Variants in PCBP3 observed in about 807,000 individuals in gnomAD.
The protein encoded by PCBP3 is poly(rC) binding protein 3, also known as poly(rC)-binding protein 3.
A neutral mutation model predicts 52.7 loss-of-function variants in PCBP3; 25 were observed. The ratio of observed to expected loss-of-function variants is 0.47; its 90% CI spans 0.35 to 0.66. PCBP3 has a LOEUF of 0.66. PCBP3 is among the 30% of genes least tolerant of loss of function. The probability of loss-of-function intolerance (pLI) is 0.01; values close to 1 mark genes in which losing one functional copy is unlikely to be tolerated. For missense variants in PCBP3, 391 were observed against 490.3 expected (o/e 0.80, Z 1.91); for synonymous variants, 162 against 183.0 (o/e 0.89, Z 0.93).
intron 9 of PCBP3, among the ~76,000 whole-genome samples, chr21:45,906,102 G>A (rs568933420): frequency 1.3e-5 from 2 of 152,288 alleles, no homozygotes; most frequent in South Asian, 4.1e-4. Flanking sequence ...GACCCCCAGG[G>A]CGTGACTGTC....
rs148754290 is a variant in PCBP3, at chr21:45,706,194, G to A, written c.-199-29198G>A. 9.6e-3 allele frequency among the ~76,000 whole-genome samples: 1,460 copies of A among 152,258 alleles called. 8 individuals are homozygous for A. Among genetic ancestry groups the A allele is most frequent in the Middle Eastern group, 0.02 (6 of 294 alleles). On this transcript the variant is annotated intron_variant, in intron 2 of 17. Coordinates refer to ENST00000681687, the MANE Select transcript of PCBP3 (RefSeq NM_001384156.1). ...TGACTACACATTAGTCATCTGGGGG[G>A]CTTTTGCAAAACAGCAGTGTCCAGG...
chr21:45,888,719 A>C (rs1346446795), intron 5 of PCBP3, among the ~76,000 whole-genome samples: 1 of 152,258 alleles, frequency 6.6e-6, no homozygotes, highest in East Asian at 1.9e-4. Context: ...TGAAATGAAT[A>C]AACATGTTCC....
chr21:45,881,371 A>AC (rs2095401644), intron 5 of PCBP3, among the ~76,000 whole-genome samples: 1 of 152,154 alleles, frequency 6.6e-6, no homozygotes, highest in African/African-American at 2.4e-5. Flanking sequence ...CACCTCACAT[A>AC]CCTTTGTTTG....
At chr21:45,927,455 C>T (rs2075624514) in intron 13 of PCBP3, among the ~76,000 whole-genome samples, 1 of 134,782 alleles carries the variant, frequency 7.4e-6, no homozygotes. Flanking sequence ...CAGAATTTTC[C>T]CAAAAAGTGG....
chr21:45,923,341 G>T (rs1036708117), intron 13 of PCBP3, among the ~76,000 whole-genome samples: 1 of 152,234 alleles, frequency 6.6e-6, no homozygotes, highest in African/African-American at 2.4e-5. Context: ...GCAGCTGCAA[G>T]TGGTGCAGCG....
intron 2 of PCBP3, among the ~76,000 whole-genome samples, chr21:45,672,457 T>G (rs1369538868): frequency 2.6e-5 from 4 of 152,034 alleles, no homozygotes; most frequent in Non-Finnish European, 5.9e-5. Context: ...TGGGGTTGTT[T>G]TGACAGTCAC....
intron 4 of PCBP3, among the ~76,000 whole-genome samples, chr21:45,838,316 C>T (rs1481951921): frequency 6.6e-6 from 1 of 152,136 alleles, no homozygotes; most frequent in Non-Finnish European, 1.5e-5. Context: ...TGCCTTCTGT[C>T]GTATGTGTTC....
chr21:45,938,726 A>C (rs1370661997), intron 16 of PCBP3, among the ~76,000 whole-genome samples: 8 of 152,170 alleles, frequency 5.3e-5, no homozygotes, highest in East Asian at 1.9e-4. Flanking sequence ...TGGATTCTCC[A>C]GAGTGGGGGT....
intron 2 of PCBP3, among the ~76,000 whole-genome samples, chr21:45,716,807 C>T (rs2084256240): frequency 6.6e-6 from 1 of 152,050 alleles, no homozygotes; most frequent in Admixed American, 6.6e-5. Flanking sequence ...AGTCTTCTGA[C>T]TTTGTTTTTC....
rs571668982 is a variant in PCBP3, at chr21:45,669,538, CTT to C, written c.-200+589_-200+590del. ...TGTGCAACCATCCATCTCCAATACTCTTTTCATCTTGCAAAACTGAAACTCTT... is the reference window on the plus strand; with the variant it reads ...TGTGCAACCATCCATCTCCAATACTCTTCATCTTGCAAAACTGAAACTCTT... On this transcript the variant is annotated intron_variant, in intron 2 of 17. Coordinates refer to ENST00000681687, the MANE Select transcript of PCBP3 (RefSeq NM_001384156.1). Among the ~76,000 whole-genome samples, 4 of 151,924 alleles carry C rather than the reference CTT, an allele frequency of 2.6e-5. No individual in the cohort carries two copies. The East Asian group carries it at 5.8e-4, about 22-fold the overall frequency.
intron 2 of PCBP3, among the ~76,000 whole-genome samples, chr21:45,721,735 G>A (rs1230609685): frequency 6.6e-6 from 1 of 152,070 alleles, no homozygotes; most frequent in Non-Finnish European, 1.5e-5. Flanking sequence ...CTTTCCTGTC[G>A]AATTTCACAG....
chr21:45,845,137 A>G (rs2093781100), intron 4 of PCBP3, among the ~76,000 whole-genome samples: 1 of 152,114 alleles, frequency 6.6e-6, no homozygotes, highest in African/African-American at 2.4e-5. Flanking sequence ...CTGCTCTCTT[A>G]TGCCTTTTGT....
chr21:45,905,333 C>T (rs970757753), intron 9 of PCBP3, among the ~76,000 whole-genome samples: 5 of 152,230 alleles, frequency 3.3e-5, no homozygotes, highest in Non-Finnish European at 2.9e-5. Flanking sequence ...ACCCGGCCCA[C>T]GTAGGGTGGG....
intron 4 of PCBP3, chr21:45,832,563 A>C (rs898142612): frequency 3.9e-5 from 6 of 152,166 alleles, no homozygotes; most frequent in African/African-American, 1.4e-4. Context: ...CCCCACACCT[A>C]CATCATGTTG....
intron 5 of PCBP3, chr21:45,870,705 C>A (rs922885409): frequency 6.6e-6 from 1 of 152,552 alleles, no homozygotes; most frequent in Non-Finnish European, 1.5e-5. Context: ...CACTGCCCAC[C>A]GCCTGCCACG....
intron 2 of PCBP3, among the ~76,000 whole-genome samples, chr21:45,671,157 T>C (rs374874360): frequency 6.6e-6 from 1 of 152,180 alleles, no homozygotes; most frequent in Non-Finnish European, 1.5e-5. Flanking sequence ...TGCTTCCCAG[T>C]TTCAATGCTG....
chr21:45,733,089 A>C (rs993547101), intron 2 of PCBP3, among the ~76,000 whole-genome samples: 4 of 152,176 alleles, frequency 2.6e-5, no homozygotes, highest in African/African-American at 4.8e-5. Context: ...CTGTCTGTAC[A>C]TTGACTGATC....
intron 4 of PCBP3, among the ~76,000 whole-genome samples, chr21:45,782,061 T>TC (rs1234261574): frequency 6.9e-6 from 1 of 143,890 alleles, no homozygotes; most frequent in Non-Finnish European, 1.5e-5. Flanking sequence ...ATTTTTTTTT[T>TC]CCCCCAAAGA....
At chr21:45,677,685 A>G (rs1359663342) in intron 2 of PCBP3, among the ~76,000 whole-genome samples, 1 of 152,224 alleles carries the variant, frequency 6.6e-6, no homozygotes, top group African/African-American at 2.4e-5. Context: ...GTTAGGGCCT[A>G]ATGCAGCTGA....
Sources: gnomAD v4.1 joint callset for allele counts (sites outside exome capture counted in the v4.1 genomes callset) on GRCh38, gnomAD v4.1.1 for gene constraint, MANE v1.5 for transcripts, NCBI Gene and HGNC (gene_info 2026-07-23, HGNC 2026-07-21) for gene names.